Variants in LRRC37A2 observed in about 807,000 individuals in gnomAD.
LRRC37A2 encodes leucine-rich repeat-containing protein 37A2.
Under a neutral mutation model 68.8 loss-of-function variants are expected in LRRC37A2, and 9 were observed. The ratio of observed to expected loss-of-function variants is 0.13; its 90% confidence interval spans 0.08 to 0.23. The LOEUF (loss-of-function observed/expected upper bound fraction) is 0.23. LRRC37A2 is among the 10% of genes least tolerant of loss of function. The pLI is 1.00. For missense variants in LRRC37A2, 168 were observed against 950.4 expected (o/e 0.18, Z 10.82); for synonymous variants, 63 against 367.6 (o/e 0.17, Z 9.48).
the LRRC37A2 span, among the ~76,000 whole-genome samples, chr17:46,389,998 A>G: frequency 2.0e-5 from 3 of 151,230 alleles, no homozygotes; most frequent in Non-Finnish European, 2.9e-5. Flanking sequence ...ACACAATACT[A>G]TAGACTTGGT....
the LRRC37A2 span, among the ~76,000 whole-genome samples, chr17:47,003,899 T>C: frequency 6.6e-6 from 1 of 152,108 alleles, no homozygotes. Flanking sequence ...GGCCCCGGTG[T>C]GTGATATTCC....
the LRRC37A2 span, among the ~76,000 whole-genome samples, chr17:46,774,163 C>G: frequency 6.6e-6 from 1 of 152,234 alleles, no homozygotes; most frequent in Non-Finnish European, 1.5e-5. Flanking sequence ...TGTGGGGGCC[C>G]TTGGGGGCAA....
At chr17:46,861,009 G>A in the LRRC37A2 span, among the ~76,000 whole-genome samples, 2 of 152,174 alleles carry the variant, frequency 1.3e-5, no homozygotes, top group Non-Finnish European at 2.9e-5. Flanking sequence ...CAGGCCCAAG[G>A]CATCATACCT....
chr17:46,519,113 T>G (rs2941963), intron 3 of LRRC37A2, among the ~76,000 whole-genome samples: 21 of 128,724 alleles, frequency 1.6e-4, no homozygotes, highest in African/African-American at 6.3e-4. Context: ...GCAGGAGAAT[T>G]GCTTTATTTA....
chr17:46,778,820 C>T, the LRRC37A2 span, among the ~76,000 whole-genome samples: 1 of 152,156 alleles, frequency 6.6e-6, no homozygotes, highest in Non-Finnish European at 1.5e-5. Flanking sequence ...AACCATTCTA[C>T]ACCATCCTTT....
At chr17:46,776,919 C>T in the LRRC37A2 span, among the ~76,000 whole-genome samples, 6 of 152,310 alleles carry the variant, frequency 3.9e-5, no homozygotes, top group East Asian at 1.9e-4. Context: ...CTTCCTCCCC[C>T]TCTCCCAGCC....
chr17:47,009,226 T>C, the LRRC37A2 span, among the ~76,000 whole-genome samples: 1 of 152,226 alleles, frequency 6.6e-6, no homozygotes. Context: ...CTAAAAAATT[T>C]TATCCTTTTA....
chr17:46,398,189 A>G, the LRRC37A2 span, among the ~76,000 whole-genome samples: 14 of 118,552 alleles, frequency 1.2e-4, no homozygotes, highest in African/African-American at 3.9e-4. Flanking sequence ...TATGAACCCT[A>G]CCTTAGTGTG....
the LRRC37A2 span, among the ~76,000 whole-genome samples, chr17:46,896,424 AAG>A: frequency 2.0e-3 from 167 of 82,906 alleles, no homozygotes; most frequent in Middle Eastern, 0.017. Context: ...GAAAGAAAGA[AAG>A]AAAGAAAGAA....
chr17:46,973,609 A>G, the LRRC37A2 span, among the ~76,000 whole-genome samples: 1 of 152,212 alleles, frequency 6.6e-6, no homozygotes, highest in African/African-American at 2.4e-5. Flanking sequence ...GCGCTGCCTC[A>G]GAACACCCCG....
chr17:46,982,756 G>A, the LRRC37A2 span, among the ~76,000 whole-genome samples: 1 of 152,166 alleles, frequency 6.6e-6, no homozygotes, highest in African/African-American at 2.4e-5. Context: ...GAGACCTTGG[G>A]CTTGTGGATG....
the LRRC37A2 span, chr17:46,923,323 A>G: frequency 2.6e-6 from 4 of 1,539,310 alleles, no homozygotes; most frequent in Non-Finnish European, 3.5e-6. Context: ...GTAGAGGCCG[A>G]GTTTTTCCGC....
At chr17:47,006,520 G>A in the LRRC37A2 span, among the ~76,000 whole-genome samples, 2 of 152,192 alleles carry the variant, frequency 1.3e-5, no homozygotes, top group African/African-American at 2.4e-5. Flanking sequence ...GCTGAGGCAT[G>A]AGAATTGTTT....
At chr17:46,887,297 G>C in the LRRC37A2 span, among the ~76,000 whole-genome samples, 3 of 152,144 alleles carry the variant, frequency 2.0e-5, no homozygotes, top group African/African-American at 2.4e-5. Context: ...CCATTTCACA[G>C]AGGATGGTCA....
the LRRC37A2 span, among the ~76,000 whole-genome samples, chr17:46,780,934 T>C: frequency 6.6e-6 from 1 of 151,996 alleles, no homozygotes; most frequent in Non-Finnish European, 1.5e-5. Context: ...TGGGACCCTA[T>C]TCAGCCAGAA....
the LRRC37A2 span, among the ~76,000 whole-genome samples, chr17:46,489,568 T>C: frequency 2.0e-5 from 3 of 148,510 alleles, no homozygotes; most frequent in Non-Finnish European, 3.0e-5. Context: ...TCACTGCAAC[T>C]TCCACCTCCC....
the LRRC37A2 span, among the ~76,000 whole-genome samples, chr17:46,785,726 G>A: frequency 6.6e-6 from 1 of 152,212 alleles, no homozygotes; most frequent in Non-Finnish European, 1.5e-5. Context: ...AAAGGGTGCG[G>A]GCAGGAGCTC....
At chr17:46,750,928 C>T in the LRRC37A2 span, among the ~76,000 whole-genome samples, 1 of 151,422 alleles carries the variant, frequency 6.6e-6, no homozygotes, top group South Asian at 2.1e-4. Flanking sequence ...TTGAAAATGA[C>T]AGTCATTTTT....
At chr17:46,730,339 A>G in the LRRC37A2 span, among the ~76,000 whole-genome samples, 1 of 152,134 alleles carries the variant, frequency 6.6e-6, no homozygotes, top group Admixed American at 6.5e-5. Flanking sequence ...AATTTATGCT[A>G]AAAGTCACTT....
Sources: allele counts gnomAD v4.1 joint callset (sites outside exome capture counted in the v4.1 genomes callset), GRCh38; gene constraint gnomAD v4.1.1; transcripts MANE v1.5; gene names NCBI Gene and HGNC (gene_info 2026-07-23, HGNC 2026-07-21).